The following CADPS2 variants were observed in gnomAD, a reference collection of about 807,000 sequenced individuals.
CADPS2 encodes the protein calcium dependent secretion activator 2, also known as calcium-dependent secretion activator 2.
A neutral mutation model predicts 172.5 loss-of-function variants in CADPS2; 93 were observed. The ratio of observed to expected loss-of-function variants is 0.54; its 90% CI spans 0.46 to 0.64. The LOEUF is 0.64. Among genes scored for constraint, CADPS2 ranks in the 30% least tolerant of loss-of-function variants. The pLI is 0.00. For synonymous variants in CADPS2, 546 were observed against 555.2 expected (o/e 0.98, Z 0.23); for missense variants, 1,420 against 1,565.9 (o/e 0.91, Z 1.57).
chr7:122,570,901 G>T (rs1318386495), intron 7 of CADPS2, among the ~76,000 whole-genome samples: 1 of 152,092 alleles, frequency 6.6e-6, no homozygotes, highest in East Asian at 1.9e-4. Context: ...GGGGAGCGGG[G>T]AGGGATAGCA....
chr7:122,848,044 A>G (rs897047453), intron 1 of CADPS2, among the ~76,000 whole-genome samples: 3 of 152,230 alleles, frequency 2.0e-5, no homozygotes, highest in African/African-American at 7.2e-5. Flanking sequence ...TCTCATTAGA[A>G]CACTCAACTC....
intron 1 of CADPS2, among the ~76,000 whole-genome samples, chr7:122,739,569 A>T (rs37914): frequency 0.47 from 71,437 of 151,966 alleles, 18,517 homozygotes; most frequent in African/African-American, 0.7. Flanking sequence ...TCACAAAATA[A>T]GCCAGAGTCA....
chr7:122,399,874 G>A (rs1381248903), intron 20 of CADPS2, among the ~76,000 whole-genome samples: 3 of 149,316 alleles, frequency 2.0e-5, no homozygotes. Context: ...TTTTAGTAGA[G>A]ACGGGGTTTC....
At chr7:122,393,710 T>G in intron 20 of CADPS2, 128 bp from the exon 21 acceptor site, 4 of 867,364 alleles carry the variant, frequency 4.6e-6, no homozygotes, top group Non-Finnish European at 7.3e-6. Context: ...CAGATGAGAG[T>G]AGATCATACC....
intron 1 of CADPS2, among the ~76,000 whole-genome samples, chr7:122,855,487 G>A (rs1355642635): frequency 1.3e-5 from 2 of 151,992 alleles, no homozygotes; most frequent in African/African-American, 4.8e-5. Context: ...AAATTCTAAG[G>A]GCAATTTAAA....
intron 8 of CADPS2, among the ~76,000 whole-genome samples, chr7:122,542,271 CCTA>C: frequency 6.6e-6 from 1 of 152,148 alleles, no homozygotes; most frequent in East Asian, 1.9e-4. Flanking sequence ...ATTAAGCTGT[CCTA>C]CTATGATATT....
At chr7:122,782,301 A>G (rs1792936037) in intron 1 of CADPS2, among the ~76,000 whole-genome samples, 1 of 152,194 alleles carries the variant, frequency 6.6e-6, no homozygotes, top group Admixed American at 6.5e-5. Context: ...TTGCTAATCC[A>G]TTTGCTAAAA....
At chr7:122,405,492 G>A (rs1447902812) in intron 20 of CADPS2, among the ~76,000 whole-genome samples, 3 of 152,006 alleles carry the variant, frequency 2.0e-5, no homozygotes, top group Admixed American at 6.6e-5. Flanking sequence ...GTGGAACCCC[G>A]TCTCTACCAA....
At chr7:122,422,614 A>G (rs954419575) in intron 17 of CADPS2, among the ~76,000 whole-genome samples, 7 of 152,206 alleles carry the variant, frequency 4.6e-5, no homozygotes, top group African/African-American at 1.4e-4. Flanking sequence ...AAAATACTCT[A>G]TCTTAGGTAA....
intron 1 of CADPS2, among the ~76,000 whole-genome samples, chr7:122,812,452 G>GAAAGAAAA (rs1800252616): frequency 6.7e-6 from 1 of 150,180 alleles, no homozygotes; most frequent in Admixed American, 6.6e-5. Context: ...AGCAAAGAAA[G>GAAAGAAAA]AAAGAAAAAA....
intron 3 of CADPS2, among the ~76,000 whole-genome samples, chr7:122,660,215 C>T (rs2080367479): frequency 6.6e-6 from 1 of 151,992 alleles, no homozygotes; most frequent in Non-Finnish European, 1.5e-5. Context: ...TGAATGACAG[C>T]AATGCCACAA....
At chr7:122,582,403 G>C (rs1026943032) in intron 6 of CADPS2, among the ~76,000 whole-genome samples, 8 of 151,602 alleles carry the variant, frequency 5.3e-5, no homozygotes, top group Non-Finnish European at 1.0e-4. Context: ...TTCAATGACT[G>C]AAGAAACTGG....
At chr7:122,401,936 G>C (rs1461207997) in intron 20 of CADPS2, among the ~76,000 whole-genome samples, 1 of 152,032 alleles carries the variant, frequency 6.6e-6, no homozygotes, top group Non-Finnish European at 1.5e-5. Flanking sequence ...CATCTCCAAG[G>C]GTTCTCCACA....
At position 122,485,902 on chromosome 7, in the gene CADPS2, A is replaced by T. The variant is rs572937408; in HGVS notation, c.1852+4179T>A. Among the ~76,000 whole-genome samples, 5 of 152,262 alleles carry T rather than the reference A, an allele frequency of 3.3e-5. No homozygotes were observed. In the South Asian group the frequency reaches 1.0e-3, roughly 32 times the overall value. On this transcript the variant is annotated intron_variant, in intron 11 of 29. Coordinates refer to ENST00000449022, the MANE Select transcript of CADPS2 (RefSeq NM_017954.11). ...TTTGAAAATCCCAGAGCCCTTAAAA[A>T]CTATGCTACATCAACCCTGTTCTGT...
At chr7:122,500,225 A>G (rs1184287343) in intron 9 of CADPS2, among the ~76,000 whole-genome samples, 2 of 152,078 alleles carry the variant, frequency 1.3e-5, no homozygotes, top group Non-Finnish European at 2.9e-5. Flanking sequence ...TACCATTCTA[A>G]CCTTGTTTGT....
intron 1 of CADPS2, among the ~76,000 whole-genome samples, chr7:122,752,364 T>C (rs2092987666): frequency 6.6e-6 from 1 of 152,182 alleles, no homozygotes; most frequent in Admixed American, 6.5e-5. Context: ...CTGGAAGAGC[T>C]TTCTGAAATC....
intron 1 of CADPS2, among the ~76,000 whole-genome samples, chr7:122,774,228 C>A (rs1396976182): frequency 6.6e-6 from 1 of 150,686 alleles, no homozygotes; most frequent in Non-Finnish European, 1.5e-5. Flanking sequence ...TTATTCAAGT[C>A]TCTTCAACAA....
At chr7:122,446,369 A>C (rs991120130) in intron 15 of CADPS2, among the ~76,000 whole-genome samples, 3 of 152,134 alleles carry the variant, frequency 2.0e-5, no homozygotes, top group Non-Finnish European at 4.4e-5. Flanking sequence ...GAATGCTCTT[A>C]AATTACCTGG....
intron 2 of CADPS2, among the ~76,000 whole-genome samples, chr7:122,679,113 G>A (rs1564041828): frequency 2.0e-5 from 3 of 150,862 alleles, no homozygotes; most frequent in Admixed American, 2.0e-4. Context: ...CAGGGAACAA[G>A]GGAGATAACC....
Sources: gnomAD v4.1 joint callset for allele counts (sites outside exome capture counted in the v4.1 genomes callset) on GRCh38, gnomAD v4.1.1 for gene constraint, MANE v1.5 for transcripts, NCBI Gene and HGNC (gene_info 2026-07-23, HGNC 2026-07-21) for gene names.